The following SDK1 variants were observed in gnomAD, a reference collection of about 807,000 sequenced individuals.
The protein encoded by SDK1 is protein sidekick-1.
In SDK1, 157 loss-of-function variants were observed where a neutral mutation model predicts 245.5. The observed-to-expected ratio is 0.64, with a 90% CI of 0.56 to 0.73. The LOEUF is 0.73. Among genes scored for constraint, SDK1 ranks in the 30% least tolerant of loss-of-function variants. The probability of loss-of-function intolerance (pLI) is 0.00; values close to 1 mark genes in which losing one functional copy is unlikely to be tolerated. For synonymous variants in SDK1, 1,647 were observed against 1,278.5 expected (o/e 1.29, Z -6.15); for missense variants, 3,583 against 3,002.3 (o/e 1.19, Z -4.52).
At position 4,080,189 on chromosome 7, in the gene SDK1, C is replaced by T. The variant is rs75901114; in HGVS notation, c.3324+605C>T. On this transcript the variant is annotated intron_variant, in intron 22 of 44. Coordinates refer to ENST00000404826, the MANE Select transcript of SDK1 (RefSeq NM_152744.4). ...AGCCCTGCGGTGGCAGGGAGTGAGT[C>T]TGGGGAGAGCTGGGGGCGGGTTCCA... Among the ~76,000 whole-genome samples the T allele has an allele frequency of 7.0e-3, 1,060 of 152,090 alleles. 10 individuals are homozygous for T. The highest frequency in any genetic ancestry group is 0.024 in the African/African-American group (993 of 41,516).
intron 32 of SDK1, among the ~76,000 whole-genome samples, chr7:4,166,690 C>T (rs956963969): frequency 2.0e-5 from 3 of 152,246 alleles, no homozygotes; most frequent in African/African-American, 7.2e-5. Flanking sequence ...TTTCACTGAG[C>T]TTCCGGCCCG....
intron 4 of SDK1, among the ~76,000 whole-genome samples, chr7:3,728,935 A>T (rs897960872): frequency 1.4e-5 from 2 of 148,010 alleles, no homozygotes; most frequent in Non-Finnish European, 3.0e-5. Flanking sequence ...CTATCTCTCT[A>T]AAAAAAAAAT....
Position 3,619,168 on chromosome 7 carries a change from A to G in SDK1, c.387A>G (p.Glu129=). 6.2e-7 allele frequency: 1 copy of G among 1,614,144 alleles called. No individual in the cohort carries two copies. The highest frequency in any genetic ancestry group is 8.5e-7 in the Non-Finnish European group (1 of 1,179,974). Residue 129 remains glutamate (E), a synonymous_variant, in exon 2 of 45, where the codon GAA becomes GAG. Coordinates refer to ENST00000404826, the MANE Select transcript of SDK1 (RefSeq NM_152744.4). ...GNRLVLTCLA[E]GSWPLEFKWM... ...GCCTTGTTCTCACCTGCCTTGCCGA[A>G]GGGAGCTGGCCTTTGGAGTTCAAGT...
intron 4 of SDK1, among the ~76,000 whole-genome samples, chr7:3,647,845 G>C (rs141746477): frequency 6.6e-6 from 1 of 152,114 alleles, no homozygotes; most frequent in Non-Finnish European, 1.5e-5. Context: ...AAGAAAAGTC[G>C]TGTAATGTCC....
At chr7:3,761,420 G>A (rs917216100) in intron 4 of SDK1, among the ~76,000 whole-genome samples, 1 of 151,642 alleles carries the variant, frequency 6.6e-6, no homozygotes, top group African/African-American at 2.4e-5. Flanking sequence ...CAGGCGTGGT[G>A]GTGGGCACCT....
At chr7:3,501,694 T>C (rs1391344805) in intron 1 of SDK1, among the ~76,000 whole-genome samples, 1 of 152,226 alleles carries the variant, frequency 6.6e-6, no homozygotes, top group Admixed American at 6.5e-5. Context: ...ATTAATTTGT[T>C]CTAGTTACTG....
chr7:3,492,793 G>GTTTA (rs1781904127), intron 1 of SDK1, among the ~76,000 whole-genome samples: 1 of 152,076 alleles, frequency 6.6e-6, no homozygotes. Context: ...CGATGCAGCT[G>GTTTA]TTTAGCTTGC....
Position 3,744,520 on chromosome 7 carries a change from TAAG to T in SDK1, c.714-76925_714-76923del, listed in dbSNP as rs1371017496. Among the ~76,000 whole-genome samples, 6 of 151,888 alleles carry T rather than the reference TAAG, an allele frequency of 4.0e-5. 1 individual carries two copies. The highest frequency in any genetic ancestry group is 2.1e-4 in the South Asian group (1 of 4,816). On this transcript the variant is annotated intron_variant, in intron 4 of 44. Transcript: ENST00000404826. ...AAAGACACAAAAGACCTAAAAGAAATAAGAAGACAGGCCAGGCATGGTGGCTCA... is the reference window on the plus strand; with the variant it reads ...AAAGACACAAAAGACCTAAAAGAAATAAGACAGGCCAGGCATGGTGGCTCA...
chr7:4,053,210 G>A (rs1458386965), intron 19 of SDK1, among the ~76,000 whole-genome samples: 7 of 151,720 alleles, frequency 4.6e-5, no homozygotes, highest in African/African-American at 1.5e-4. Flanking sequence ...GAGTTTGGCC[G>A]TCGCCAGCTC....
intron 5 of SDK1, among the ~76,000 whole-genome samples, chr7:3,931,169 G>A (rs1037228190): frequency 2.0e-5 from 3 of 152,134 alleles, no homozygotes; most frequent in African/African-American, 4.8e-5. Context: ...CCCCATGGAC[G>A]AGCAGATCAA....
At position 3,885,016 on chromosome 7, in the gene SDK1, G is replaced by C. The variant is rs73294612; in HGVS notation, c.847+63433G>C. ...ATGTCCTTTCACCCTTGACCTCCTA[G>C]TGTGTCTCCCCCGACCCCCACCCCG... On this transcript the variant is annotated intron_variant, in intron 5 of 44. Coordinates refer to ENST00000404826, the MANE Select transcript of SDK1 (RefSeq NM_152744.4). Among the ~76,000 whole-genome samples the C allele has an allele frequency of 8.0e-3, 1,224 of 152,206 alleles. 16 individuals are homozygous for C. Among genetic ancestry groups the C allele is most frequent in the African/African-American group, 0.028 (1,175 of 41,528 alleles).
chr7:3,738,346 A>C (rs188352845), intron 4 of SDK1, among the ~76,000 whole-genome samples: 104 of 152,280 alleles, frequency 6.8e-4, no homozygotes, highest in South Asian at 1.9e-3. Flanking sequence ...GTCAAAAATC[A>C]TTTGGCCCTA....
intron 1 of SDK1, among the ~76,000 whole-genome samples, chr7:3,434,472 C>T (rs954278708): frequency 3.9e-5 from 6 of 152,182 alleles, no homozygotes; most frequent in East Asian, 1.9e-4. Context: ...TTGGAGAAGA[C>T]GGAGTGTCAT....
At position 3,343,776 on chromosome 7, in the gene SDK1, A is replaced by T. The variant is rs181909204; in HGVS notation, c.298+41892A>T. ...AGAAGACAAGATTGGAAAGTGCCTT[A>T]AAATACAGGTGATAACAAGTAACTC... is the stretch of plus-strand genomic sequence containing the variant. On this transcript the variant is annotated intron_variant, in intron 1 of 44. Coordinates refer to ENST00000404826, the MANE Select transcript of SDK1 (RefSeq NM_152744.4). Among the ~76,000 whole-genome samples, 63 of 152,266 alleles carry T rather than the reference A, an allele frequency of 4.1e-4. 1 individual carries two copies. The highest frequency in any genetic ancestry group is 1.3e-3 in the African/African-American group (55 of 41,560).
At chr7:3,896,568 A>G (rs1430018159) in intron 5 of SDK1, among the ~76,000 whole-genome samples, 2 of 152,214 alleles carry the variant, frequency 1.3e-5, no homozygotes, top group Non-Finnish European at 2.9e-5. Flanking sequence ...TAACTCAGCA[A>G]GCCCACTGGG....
intron 35 of SDK1, among the ~76,000 whole-genome samples, chr7:4,192,116 C>T (rs759442479): frequency 1.3e-5 from 2 of 152,202 alleles, no homozygotes; most frequent in Non-Finnish European, 2.9e-5. Flanking sequence ...CAAGTGCAGG[C>T]GCATCACACT....
Position 3,563,397 on chromosome 7 carries a change from A to G in SDK1, c.299-55683A>G, listed in dbSNP as rs1234312606. 2.6e-5 allele frequency among the ~76,000 whole-genome samples: 4 copies of G among 152,332 alleles called. No individual in the cohort carries two copies. The South Asian group carries it at 8.3e-4, about 32-fold the overall frequency. ...ACACTTCAAAAGAAGTTGGAAATAA[A>G]AGGATGGAAGAGAGAGTACACAAAT... On this transcript the variant is annotated intron_variant, in intron 1 of 44. Transcript: ENST00000404826.
At chr7:3,980,229 G>A (rs1477662120) in intron 13 of SDK1, among the ~76,000 whole-genome samples, 4 of 152,242 alleles carry the variant, frequency 2.6e-5, no homozygotes, top group East Asian at 3.9e-4. Context: ...GCTTTCTTTC[G>A]AGTCTTTTTC....
intron 1 of SDK1, among the ~76,000 whole-genome samples, chr7:3,436,973 G>C (rs754598903): frequency 6.6e-6 from 1 of 152,116 alleles, no homozygotes; most frequent in Non-Finnish European, 1.5e-5. Flanking sequence ...TAACGGATTA[G>C]TCACAATAAA....
Sources: gnomAD v4.1 joint callset for allele counts (sites outside exome capture counted in the v4.1 genomes callset) on GRCh38, gnomAD v4.1.1 for gene constraint, MANE v1.5 for transcripts, NCBI Gene and HGNC (gene_info 2026-07-23, HGNC 2026-07-21) for gene names.